ROBO2: variants seen among roughly 807,000 people sequenced by gnomAD.
The protein encoded by ROBO2 is roundabout guidance receptor 2.
In ROBO2, 53 loss-of-function variants were observed where a neutral mutation model predicts 160.8. That is an observed-to-expected ratio of 0.33 (90% confidence interval 0.26 to 0.41). ROBO2 has a LOEUF of 0.41. ROBO2 is among the 10% of genes least tolerant of loss of function. The pLI, the probability that ROBO2 is intolerant of heterozygous loss-of-function variation, is 1.00. For synonymous variants in ROBO2, 664 were observed against 611.7 expected (o/e 1.09, Z -1.26); for missense variants, 1,577 against 1,722.4 (o/e 0.92, Z 1.49).
chr3:77,508,368 ATGT>A (rs764109636), intron 5 of ROBO2, among the ~76,000 whole-genome samples: 27 of 148,196 alleles, frequency 1.8e-4, no homozygotes, highest in Non-Finnish European at 3.0e-4. Context: ...TTATTATAAA[ATGT>A]TGTAAGCTAT....
chr3:76,811,623 G>A (rs2065163135), intron 2 of ROBO2, among the ~76,000 whole-genome samples: 1 of 152,080 alleles, frequency 6.6e-6, no homozygotes, highest in Admixed American at 6.5e-5. Flanking sequence ...TGGGCCTTGT[G>A]TCCTCTGAGC....
At chr3:77,297,891 A>G (rs990769859) in intron 2 of ROBO2, among the ~76,000 whole-genome samples, 5 of 152,294 alleles carry the variant, frequency 3.3e-5, no homozygotes, top group Non-Finnish European at 7.4e-5. Context: ...TAGAAGGCCC[A>G]TTGACATGAG....
intron 2 of ROBO2, among the ~76,000 whole-genome samples, chr3:76,668,168 T>C (rs189895373): frequency 6.6e-6 from 1 of 152,250 alleles, no homozygotes; most frequent in East Asian, 1.9e-4. Flanking sequence ...GGCCCCATTA[T>C]GGCTCACTGC....
chr3:76,869,821 G>C (rs970119234), intron 2 of ROBO2, among the ~76,000 whole-genome samples: 9 of 152,102 alleles, frequency 5.9e-5, no homozygotes, highest in African/African-American at 2.2e-4. Flanking sequence ...ACCATACACT[G>C]AGAGCAAAGA....
At chr3:77,297,898 T>C (rs2062292420) in intron 2 of ROBO2, among the ~76,000 whole-genome samples, 1 of 152,110 alleles carries the variant, frequency 6.6e-6, no homozygotes, top group South Asian at 2.1e-4. Context: ...CCCATTGACA[T>C]GAGGAGGCAT....
chr3:77,501,619 C>T (rs1041162980), intron 5 of ROBO2, among the ~76,000 whole-genome samples: 4 of 150,986 alleles, frequency 2.6e-5, no homozygotes, highest in South Asian at 2.1e-4. Flanking sequence ...TGAATGGTTT[C>T]GGTGCTGTCC....
intron 2 of ROBO2, among the ~76,000 whole-genome samples, chr3:76,996,901 A>G (rs994635529): frequency 5.3e-5 from 8 of 152,142 alleles, no homozygotes; most frequent in Non-Finnish European, 1.2e-4. Flanking sequence ...TTATTAACTG[A>G]TACACAATCT....
chr3:77,271,174 T>A (rs1272122298), intron 2 of ROBO2, among the ~76,000 whole-genome samples: 1 of 152,154 alleles, frequency 6.6e-6, no homozygotes, highest in Admixed American at 6.6e-5. Flanking sequence ...GAACACCTAC[T>A]CCGTGCTAGG....
intron 2 of ROBO2, among the ~76,000 whole-genome samples, chr3:77,453,147 C>T (rs2081289716): frequency 6.6e-6 from 1 of 152,092 alleles, no homozygotes; most frequent in African/African-American, 2.4e-5. Flanking sequence ...CATTTTACTG[C>T]CTTCTCTATT....
At chr3:77,166,028 T>C (rs1413879737) in intron 2 of ROBO2, among the ~76,000 whole-genome samples, 2 of 152,186 alleles carry the variant, frequency 1.3e-5, no homozygotes, top group African/African-American at 2.4e-5. Flanking sequence ...CAGATGGTGA[T>C]ACTTTACCCA....
At chr3:76,201,834 T>C (rs753823889) in intron 2 of ROBO2, among the ~76,000 whole-genome samples, 2 of 143,982 alleles carry the variant, frequency 1.4e-5, no homozygotes, top group Non-Finnish European at 3.0e-5. Flanking sequence ...AAATTCAATA[T>C]ACTGTGCACA....
intron 2 of ROBO2, among the ~76,000 whole-genome samples, chr3:77,244,402 A>G (rs1300185020): frequency 6.6e-6 from 1 of 152,210 alleles, no homozygotes; most frequent in Non-Finnish European, 1.5e-5. Context: ...GTAGTTTAAG[A>G]GACAAAAAGA....
At chr3:76,774,504 T>G (rs1389239365) in intron 2 of ROBO2, among the ~76,000 whole-genome samples, 1 of 150,876 alleles carries the variant, frequency 6.6e-6, no homozygotes, top group Non-Finnish European at 1.5e-5. Context: ...GTGAATCATG[T>G]TTTTAAAAGG....
intron 2 of ROBO2, among the ~76,000 whole-genome samples, chr3:77,422,488 T>C (rs918495674): frequency 6.6e-6 from 1 of 152,172 alleles, no homozygotes; most frequent in Non-Finnish European, 1.5e-5. Context: ...CTTTGCCACG[T>C]CCTCCTGAGA....
chr3:77,287,363 T>C (rs1030530383), intron 2 of ROBO2, among the ~76,000 whole-genome samples: 52 of 152,192 alleles, frequency 3.4e-4, no homozygotes, highest in Non-Finnish European at 1.0e-4. Flanking sequence ...ACAGGAATTA[T>C]TCTTATTCCT....
At chr3:77,541,513 CAGTTTCA>C (rs992755835) in intron 6 of ROBO2, among the ~76,000 whole-genome samples, 2 of 152,200 alleles carry the variant, frequency 1.3e-5, no homozygotes, top group African/African-American at 4.8e-5. Context: ...TCTCAAAACA[CAGTTTCA>C]AGTGAACTGT....
chr3:76,576,699 TTC>T (rs2085314925), intron 2 of ROBO2, among the ~76,000 whole-genome samples: 5 of 131,368 alleles, frequency 3.8e-5, no homozygotes, highest in South Asian at 2.6e-4. Flanking sequence ...ATCATTTTCT[TTC>T]TTTTTTTTTT....
chr3:76,388,073 C>CT (rs1242781118), intron 2 of ROBO2, among the ~76,000 whole-genome samples: 1 of 152,052 alleles, frequency 6.6e-6, no homozygotes, highest in Non-Finnish European at 1.5e-5. Flanking sequence ...TAGGAGAACT[C>CT]TTTTTTGTTC....
intron 2 of ROBO2, among the ~76,000 whole-genome samples, chr3:76,293,903 C>T (rs781656146): frequency 6.6e-6 from 1 of 152,178 alleles, no homozygotes; most frequent in East Asian, 1.9e-4. Context: ...AAAGGGCCTC[C>T]TGCCACCATT....
Sources: gnomAD v4.1 joint callset for allele counts (sites outside exome capture counted in the v4.1 genomes callset) on GRCh38, gnomAD v4.1.1 for gene constraint, MANE v1.5 for transcripts, NCBI Gene and HGNC (gene_info 2026-07-23, HGNC 2026-07-21) for gene names.